Variants in SLIT2 observed in about 807,000 individuals in gnomAD.
The protein encoded by SLIT2 is slit homolog 2 protein.
A neutral mutation model predicts 185.7 loss-of-function variants in SLIT2; 41 were observed. The observed-to-expected ratio is 0.22, with a 90% CI of 0.17 to 0.29. The LOEUF is 0.29. SLIT2 is among the 10% of genes least tolerant of loss of function. SLIT2 has a pLI of 1.00. For missense variants in SLIT2, 1,571 were observed against 1,909.0 expected, an observed-to-expected ratio of 0.82 and a Z score of 3.30; for synonymous variants, 693 against 680.2, an observed-to-expected ratio of 1.02 and a Z score of -0.29.
chr4:20,398,958 A>G (rs1287911454), intron 4 of SLIT2, among the ~76,000 whole-genome samples: 2 of 151,762 alleles, frequency 1.3e-5, no homozygotes, highest in South Asian at 2.1e-4. Flanking sequence ...AAAAACCTAT[A>G]TATAAGACAG....
rs1470557575 is a variant in SLIT2, at chr4:20,252,971, G to A, written c.-845G>A. The stretch of plus-strand genomic sequence containing the variant: ...GCTGACTAGTGGATATTTCTGCCCG[G>A]CTGCGGCGGCCCGACTGCCCTTTTG... On this transcript the variant is annotated 5_prime_UTR_variant, in exon 1 of 37. Transcript: ENST00000504154. 6.6e-6 allele frequency among the ~76,000 whole-genome samples: 1 copy of A among 152,216 alleles called. No individual in the cohort carries two copies. Among genetic ancestry groups the A allele is most frequent in the Non-Finnish European group, 1.5e-5 (1 of 68,036 alleles).
chr4:20,438,220 CT>C (rs1259208639), intron 4 of SLIT2, among the ~76,000 whole-genome samples: 1 of 152,144 alleles, frequency 6.6e-6, no homozygotes, highest in Non-Finnish European at 1.5e-5. Context: ...CTGCTCATAA[CT>C]TTGCAGTTGC....
chr4:20,526,564 CTTAA>C (rs762981459), intron 15 of SLIT2, among the ~76,000 whole-genome samples: 10 of 152,176 alleles, frequency 6.6e-5, no homozygotes, highest in South Asian at 2.1e-4. Flanking sequence ...TTTAAATATA[CTTAA>C]TTAATAATTG....
chr4:20,488,226 A>G (rs367746190), intron 7 of SLIT2, among the ~76,000 whole-genome samples: 118 of 152,302 alleles, frequency 7.7e-4, no homozygotes, highest in African/African-American at 2.7e-3. Context: ...CTTTGAGGCT[A>G]GGTCTCCAGG....
intron 3 of SLIT2, among the ~76,000 whole-genome samples, chr4:20,265,796 T>C (rs1256474117): frequency 6.6e-6 from 1 of 151,960 alleles, no homozygotes; most frequent in African/African-American, 2.4e-5. Flanking sequence ...AAGAAATGGA[T>C]CAAATAAATC....
intron 4 of SLIT2, among the ~76,000 whole-genome samples, chr4:20,317,412 A>G (rs1307066677): frequency 6.6e-6 from 1 of 152,054 alleles, no homozygotes; most frequent in Non-Finnish European, 1.5e-5. Context: ...CAGCATAGCA[A>G]ATTCCACAGG....
chr4:20,592,438 T>C (rs1224828656), intron 30 of SLIT2, among the ~76,000 whole-genome samples: 2 of 152,188 alleles, frequency 1.3e-5, no homozygotes, highest in African/African-American at 2.4e-5. Flanking sequence ...TTATTGATAA[T>C]ACAAACTCAG....
intron 4 of SLIT2, among the ~76,000 whole-genome samples, chr4:20,442,481 G>A (rs540932801): frequency 1.0e-3 from 148 of 141,050 alleles, no homozygotes; most frequent in African/African-American, 3.8e-3. Context: ...CTGAGATCGC[G>A]CCACTGCGCT....
At chr4:20,544,021 T>C (rs1723042579) in intron 21 of SLIT2, among the ~76,000 whole-genome samples, 1 of 151,980 alleles carries the variant, frequency 6.6e-6, no homozygotes, top group African/African-American at 2.4e-5. Flanking sequence ...CCGGGGCCTG[T>C]CTTGGTGTGG....
At chr4:20,291,735 G>GTAA (rs1409916125) in intron 4 of SLIT2, among the ~76,000 whole-genome samples, 2 of 151,794 alleles carry the variant, frequency 1.3e-5, no homozygotes, top group African/African-American at 4.8e-5. Flanking sequence ...TGCTGATGCA[G>GTAA]TAATATGTAA....
At chr4:20,542,085 C>T (rs1003364802) in intron 20 of SLIT2, among the ~76,000 whole-genome samples, 14 of 152,082 alleles carry the variant, frequency 9.2e-5, no homozygotes, top group African/African-American at 2.7e-4. Flanking sequence ...TGCCAATGAA[C>T]AGAGAGCTAA....
chr4:20,307,806 A>G (rs1046530514), intron 4 of SLIT2, among the ~76,000 whole-genome samples: 1 of 152,134 alleles, frequency 6.6e-6, no homozygotes, highest in African/African-American at 2.4e-5. Context: ...AAGGACATGA[A>G]TCTCACAGGC....
Position 20,620,379 on chromosome 4 carries a change from T to C in SLIT2, c.*1370T>C. On this transcript the variant is annotated 3_prime_UTR_variant, in exon 37 of 37. Coordinates refer to ENST00000504154, the MANE Select transcript of SLIT2 (RefSeq NM_004787.4). ...ATTGATAATGGTTTATAGTGAACTG[T>C]GCTCTTCCCTCATTAAAATCCCAGG... The C allele has an allele frequency of 2.2e-6, 1 of 454,976 alleles. No individual in the cohort carries two copies. The highest frequency in any genetic ancestry group is 1.6e-5 in the South Asian group (1 of 64,074). 28.2% of individuals were successfully genotyped at this position (454,976 alleles called of 1,614,324 possible).
chr4:20,310,819 A>G (rs1005211556), intron 4 of SLIT2, among the ~76,000 whole-genome samples: 3 of 152,206 alleles, frequency 2.0e-5, no homozygotes, highest in African/African-American at 7.2e-5. Context: ...GTTCTGAGAG[A>G]GTTTATCACA....
At chr4:20,335,405 A>C (rs558564603) in intron 4 of SLIT2, among the ~76,000 whole-genome samples, 1 of 152,340 alleles carries the variant, frequency 6.6e-6, no homozygotes, top group East Asian at 1.9e-4. Context: ...TTATTCAATG[A>C]ATGTTTGAAA....
chr4:20,563,940 G>A (rs1405889606), intron 26 of SLIT2, among the ~76,000 whole-genome samples: 2 of 151,680 alleles, frequency 1.3e-5, no homozygotes, highest in Admixed American at 6.6e-5. Context: ...GTAAATCTGG[G>A]TTTAACTTGG....
intron 19 of SLIT2, among the ~76,000 whole-genome samples, chr4:20,539,883 A>G (rs971853674): frequency 6.6e-6 from 1 of 152,174 alleles, no homozygotes. Flanking sequence ...AGTGCTGCAT[A>G]TAAAAGAAAT....
chr4:20,486,990 A>G (rs1368872723), intron 7 of SLIT2, among the ~76,000 whole-genome samples: 1 of 152,064 alleles, frequency 6.6e-6, no homozygotes, highest in Non-Finnish European at 1.5e-5. Context: ...CCAAAGCATC[A>G]AACTTCTTGA....
Position 20,618,774 on chromosome 4 carries a change from C to T in SLIT2, c.4355C>T (p.Ser1452Phe), listed in dbSNP as rs1479308057. 1 of 1,583,432 alleles carries T rather than the reference C, an allele frequency of 6.3e-7. No homozygotes were observed. The highest frequency in any genetic ancestry group is 8.6e-7 in the Non-Finnish European group (1 of 1,157,490). ...GCTTTTTGTTCTTTTCTAGAAATCTCTTGTCGAGGGGAAAGGATAAGAGAT... is the reference window on the plus strand; with the variant it reads ...GCTTTTTGTTCTTTTCTAGAAATCTTTTGTCGAGGGGAAAGGATAAGAGAT... ...YTGDSCDREI[S>F]CRGERIRDYY... is the part of the protein sequence containing the mutation. The change falls in exon 37 of 37, where the codon TCT becomes TTT. Residue 1452 changes from serine (S) to phenylalanine (F), a missense_variant. Physicochemically the swap from Ser to Phe is radical, Grantham distance 155. Transcript: ENST00000504154.
Sources: gnomAD v4.1 joint callset for allele counts (sites outside exome capture counted in the v4.1 genomes callset) on GRCh38, gnomAD v4.1.1 for gene constraint, MANE v1.5 for transcripts, NCBI Gene and HGNC (gene_info 2026-07-23, HGNC 2026-07-21) for gene names.